OSBPL10: variants seen among roughly 807,000 people sequenced by gnomAD.
The protein encoded by OSBPL10 is oxysterol-binding protein-related protein 10.
Under a neutral mutation model 81.7 loss-of-function variants are expected in OSBPL10, and 49 were observed. That is an observed-to-expected ratio of 0.60 (90% CI 0.48 to 0.76). The LOEUF is 0.76. OSBPL10 is among the 30% of genes least tolerant of loss of function. The pLI is 0.00. For missense variants in OSBPL10, 923 were observed against 987.8 expected (o/e 0.93, Z 0.88); for synonymous variants, 419 against 383.6 (o/e 1.09, Z -1.08).
At chr3:31,877,577 GAAAA>G (rs34135743) in intron 2 of OSBPL10, among the ~76,000 whole-genome samples, 9 of 145,202 alleles carry the variant, frequency 6.2e-5, no homozygotes, top group Non-Finnish European at 1.4e-4. Context: ...TGTTGACTAT[GAAAA>G]AAAAAAACAA....
At chr3:31,790,551 A>T (rs1698983453) in intron 4 of OSBPL10, among the ~76,000 whole-genome samples, 1 of 152,216 alleles carries the variant, frequency 6.6e-6, no homozygotes, top group African/African-American at 2.4e-5. Flanking sequence ...CGGGGGAAAA[A>T]GATGAAGGGC....
At chr3:31,690,127 C>A (rs1695486087) in intron 7 of OSBPL10, among the ~76,000 whole-genome samples, 1 of 152,070 alleles carries the variant, frequency 6.6e-6, no homozygotes, top group South Asian at 2.1e-4. Context: ...AGTCTCATGT[C>A]AAATTGTAAT....
rs1553620553 is a variant in OSBPL10, at chr3:31,744,786, G to GAAAA, written c.940+3120_940+3123dup. On this transcript the variant is annotated intron_variant, in intron 5 of 11. Coordinates refer to ENST00000396556, the MANE Select transcript of OSBPL10 (RefSeq NM_017784.5). Reference sequence around the variant, plus strand: ...ATGCCAGAGAGCCAATGAAAATTAGGAAAAAAAAAAACAACGAATTTTCTA... The same window carrying GAAAA: ...ATGCCAGAGAGCCAATGAAAATTAGGAAAAAAAAAAAAAAACAACGAATTTTCTA... Among the ~76,000 whole-genome samples, 126 of 147,032 alleles carry GAAAA rather than the reference G, an allele frequency of 8.6e-4. 1 individual carries two copies. Among genetic ancestry groups the GAAAA allele is most frequent in the African/African-American group, 3.0e-3 (120 of 39,582 alleles).
At chr3:31,828,465 A>C (rs1446633050) in intron 4 of OSBPL10, among the ~76,000 whole-genome samples, 1 of 152,220 alleles carries the variant, frequency 6.6e-6, no homozygotes, top group African/African-American at 2.4e-5. Flanking sequence ...AAATGAAAAG[A>C]AATATAAACC....
At chr3:31,696,287 TTC>T (rs945797486) in intron 7 of OSBPL10, among the ~76,000 whole-genome samples, 15 of 152,214 alleles carry the variant, frequency 9.9e-5, no homozygotes, top group African/African-American at 3.1e-4. Context: ...GCATTTTTTC[TTC>T]TGTCTCCTAA....
intron 10 of OSBPL10, among the ~76,000 whole-genome samples, chr3:31,666,368 T>C (rs1223042327): frequency 6.6e-6 from 1 of 152,180 alleles, no homozygotes; most frequent in African/African-American, 2.4e-5. Context: ...TTCCAGGAAT[T>C]CTAGTTGGGG....
chr3:31,685,909 T>C (rs1275066035), intron 7 of OSBPL10, among the ~76,000 whole-genome samples: 2 of 152,226 alleles, frequency 1.3e-5, no homozygotes, highest in African/African-American at 4.8e-5. Context: ...ATCCCCGATG[T>C]GGCAGTGTTA....
At chr3:32,066,001 A>AAGAAAGAG (rs1699775598) in intron 1 of OSBPL10, among the ~76,000 whole-genome samples, 1 of 58,062 alleles carries the variant, frequency 1.7e-5, no homozygotes, top group African/African-American at 4.0e-5. Context: ...GAAAGAAAGA[A>AAGAAAGAG]AGAAAGAGAA....
intron 6 of OSBPL10, among the ~76,000 whole-genome samples, chr3:31,706,472 G>A (rs892204444): frequency 8.6e-5 from 13 of 151,996 alleles, no homozygotes; most frequent in African/African-American, 3.1e-4. Flanking sequence ...GCTGGGAATG[G>A]TCCAATCCAA....
chr3:31,989,734 C>G, intron 2 of OSBPL10: 1 of 1,614,142 alleles, frequency 6.2e-7, no homozygotes, highest in Non-Finnish European at 8.5e-7. Context: ...ATTACTCACA[C>G]TAAAACAGGA....
chr3:31,891,851 G>A (rs1695902507), intron 1 of OSBPL10, among the ~76,000 whole-genome samples: 1 of 152,270 alleles, frequency 6.6e-6, no homozygotes, highest in Middle Eastern at 3.4e-3. Flanking sequence ...ATGTTTTGAA[G>A]AGGGTAGCTC....
At chr3:31,863,249 G>T (rs994012951) in intron 3 of OSBPL10, among the ~76,000 whole-genome samples, 4 of 152,134 alleles carry the variant, frequency 2.6e-5, no homozygotes, top group African/African-American at 9.7e-5. Context: ...TGGTTGCCAG[G>T]GGCTGGGAAG....
chr3:31,687,925 A>G (rs373262301), intron 7 of OSBPL10, among the ~76,000 whole-genome samples: 3 of 121,428 alleles, frequency 2.5e-5, no homozygotes, highest in Non-Finnish European at 3.6e-5. Flanking sequence ...AATAATAATA[A>G]TTTTTTTAAA....
intron 4 of OSBPL10, among the ~76,000 whole-genome samples, chr3:31,750,121 G>A (rs1697666451): frequency 2.0e-5 from 3 of 152,188 alleles, no homozygotes; most frequent in East Asian, 1.9e-4. Context: ...GGCAAAAGTT[G>A]CAGTAAGCTG....
chr3:32,057,904 T>C (rs1028005224), intron 1 of OSBPL10, among the ~76,000 whole-genome samples: 10 of 152,182 alleles, frequency 6.6e-5, no homozygotes, highest in African/African-American at 9.7e-5. Context: ...CTCTGGCACT[T>C]GAGGAAGGGC....
intron 4 of OSBPL10, among the ~76,000 whole-genome samples, chr3:31,805,857 A>G (rs1245823861): frequency 1.3e-5 from 2 of 152,216 alleles, no homozygotes; most frequent in African/African-American, 4.8e-5. Flanking sequence ...AGCTTACAAT[A>G]ACGATGACGA....
At position 32,046,418 on chromosome 3, in the gene OSBPL10, C is replaced by T. The variant is rs1054701242; in HGVS notation, n.298+73G>A. 2.0e-5 allele frequency: 3 copies of T among 152,150 alleles called. No individual in the cohort carries two copies. In the East Asian group the frequency reaches 5.8e-4, roughly 29 times the overall value. 9.4% of individuals were successfully genotyped at this position (152,150 alleles called of 1,614,324 possible). A position where few individuals can be genotyped will look rare whatever the true frequency, so the allele number is the denominator to read the frequency against. Reference sequence around the variant, plus strand: ...CCAAGTTCATTGTACCTTTCTTTGTCAAATCAAAAAGAAATCAGAGATCAC... The same window carrying T: ...CCAAGTTCATTGTACCTTTCTTTGTTAAATCAAAAAGAAATCAGAGATCAC... On this transcript the variant is annotated intron_variant and non_coding_transcript_variant, in intron 2 of 3. Transcript: ENST00000479173.
intron 5 of OSBPL10, among the ~76,000 whole-genome samples, chr3:31,733,944 A>C (rs1697066869): frequency 6.6e-6 from 1 of 151,898 alleles, no homozygotes; most frequent in Admixed American, 6.6e-5. Flanking sequence ...TGGGAGGCGG[A>C]GCTTGCAGTG....
chr3:31,928,762 C>CAAAAAA (rs58345341), intron 1 of OSBPL10, among the ~76,000 whole-genome samples: 7 of 95,062 alleles, frequency 7.4e-5, no homozygotes, highest in African/African-American at 2.3e-4. Context: ...GACTTGTCTC[C>CAAAAAA]AAAAAAAAAA....
Sources: gnomAD v4.1 joint callset for allele counts (sites outside exome capture counted in the v4.1 genomes callset) on GRCh38, gnomAD v4.1.1 for gene constraint, MANE v1.5 for transcripts, NCBI Gene and HGNC (gene_info 2026-07-23, HGNC 2026-07-21) for gene names.